ADAMTSL3: variants seen among roughly 807,000 people sequenced by gnomAD.
ADAMTSL3 encodes ADAMTS like 3, also known as ADAMTS-like protein 3.
In ADAMTSL3, 128 loss-of-function variants were observed where a neutral mutation model predicts 201.7. The ratio of observed to expected loss-of-function variants is 0.63; its 90% CI spans 0.55 to 0.73. The LOEUF is 0.73. Among genes scored for constraint, ADAMTSL3 ranks in the 30% least tolerant of loss-of-function variants. The pLI, the probability that ADAMTSL3 is intolerant of heterozygous loss-of-function variation, is 0.00. For synonymous variants in ADAMTSL3, 738 were observed against 748.4 expected, an observed-to-expected ratio of 0.99 and a Z score of 0.23; for missense variants, 1,990 against 2,119.6, an observed-to-expected ratio of 0.94 and a Z score of 1.20.
chr15:83,831,777 C>G (rs28456283), intron 6 of ADAMTSL3, among the ~76,000 whole-genome samples: 2 of 152,120 alleles, frequency 1.3e-5, no homozygotes, highest in African/African-American at 4.8e-5. Flanking sequence ...CCCCACAACT[C>G]TAAGCATTTG....
chr15:83,784,021 A>G (rs188977093), intron 4 of ADAMTSL3, among the ~76,000 whole-genome samples: 17 of 152,272 alleles, frequency 1.1e-4, no homozygotes, highest in African/African-American at 3.6e-4. Flanking sequence ...TTATGTTATT[A>G]TGGGGACTGA....
intron 3 of ADAMTSL3, among the ~76,000 whole-genome samples, chr15:83,707,201 T>C (rs2061865059): frequency 6.6e-6 from 1 of 152,220 alleles, no homozygotes; most frequent in African/African-American, 2.4e-5. Context: ...TTTACTTCCC[T>C]GTCCCTTAAT....
intron 8 of ADAMTSL3, among the ~76,000 whole-genome samples, chr15:83,863,991 G>A (rs1256228481): frequency 1.3e-5 from 2 of 152,152 alleles, no homozygotes; most frequent in Non-Finnish European, 2.9e-5. Flanking sequence ...ACACCTCTAA[G>A]CAAATAAACT....
At chr15:83,813,148 A>G (rs556987480) in intron 5 of ADAMTSL3, among the ~76,000 whole-genome samples, 2 of 152,384 alleles carry the variant, frequency 1.3e-5, no homozygotes, top group Admixed American at 6.5e-5. Flanking sequence ...TCCAGATACC[A>G]TTGTAGAAAA....
At chr15:83,684,587 AC>A (rs1358383583) in intron 2 of ADAMTSL3, among the ~76,000 whole-genome samples, 5 of 152,118 alleles carry the variant, frequency 3.3e-5, no homozygotes, top group African/African-American at 1.2e-4. Context: ...GGGAAAAAAA[AC>A]AACCAAAAAA....
intron 10 of ADAMTSL3, among the ~76,000 whole-genome samples, chr15:83,886,102 GC>G (rs2065385292): frequency 6.6e-6 from 1 of 152,184 alleles, no homozygotes; most frequent in Admixed American, 6.5e-5. Flanking sequence ...CGCTACAAAA[GC>G]AGCATCTTTC....
chr15:83,801,651 A>AAT (rs68098545), intron 4 of ADAMTSL3, among the ~76,000 whole-genome samples: 988 of 30,974 alleles, frequency 0.032, 48 homozygotes, highest in South Asian at 0.042. Context: ...TATAAATATA[A>AAT]ATATATATAT....
intron 3 of ADAMTSL3, among the ~76,000 whole-genome samples, chr15:83,706,893 T>C (rs2061860294): frequency 6.6e-6 from 1 of 152,016 alleles, no homozygotes; most frequent in South Asian, 2.1e-4. Context: ...GGCCTCAAAC[T>C]CCTGGGCTCA....
intron 5 of ADAMTSL3, among the ~76,000 whole-genome samples, chr15:83,809,475 TA>T (rs2063657656): frequency 6.6e-6 from 1 of 152,110 alleles, no homozygotes; most frequent in Admixed American, 6.5e-5. Context: ...TAGCACAACC[TA>T]AAAAACTCCC....
intron 19 of ADAMTSL3, among the ~76,000 whole-genome samples, chr15:83,966,106 C>T (rs960893012): frequency 6.6e-6 from 1 of 152,118 alleles, no homozygotes; most frequent in Non-Finnish European, 1.5e-5. Flanking sequence ...GACACCCTAA[C>T]ATCACAATTA....
chr15:83,854,601 A>G (rs1206120467), intron 7 of ADAMTSL3, among the ~76,000 whole-genome samples: 1 of 152,180 alleles, frequency 6.6e-6, no homozygotes, highest in Non-Finnish European at 1.5e-5. Context: ...CAACGTGTAA[A>G]TATTCTGGCT....
Position 83,935,314 on chromosome 15 carries a change from G to A in ADAMTSL3, c.2118-7282G>A, listed in dbSNP as rs1256799872. On this transcript the variant is annotated intron_variant, in intron 17 of 29. Transcript: ENST00000286744. ...TTAGGAAATGTTCTTGTAGATAAGC[G>A]TCTGTCATTCTGATGGATCATGACT... Among the ~76,000 whole-genome samples the A allele has an allele frequency of 3.3e-5, 5 of 152,182 alleles. No individual in the cohort carries two copies. The South Asian group carries it at 6.2e-4, about 19-fold the overall frequency.
chr15:84,024,350 G>A (rs977630317), intron 26 of ADAMTSL3, among the ~76,000 whole-genome samples: 17 of 152,084 alleles, frequency 1.1e-4, no homozygotes, highest in Non-Finnish European at 2.5e-4. Context: ...ATTTTAATAT[G>A]GTGATGAATA....
intron 8 of ADAMTSL3, chr15:83,861,774 T>A (rs527605975): frequency 6.6e-6 from 1 of 152,340 alleles, no homozygotes; most frequent in East Asian, 1.9e-4. Context: ...GGATGGAGAA[T>A]GACTTTGACG....
intron 9 of ADAMTSL3, among the ~76,000 whole-genome samples, chr15:83,874,599 C>T (rs1253469097): frequency 7.0e-6 from 1 of 143,784 alleles, no homozygotes; most frequent in Non-Finnish European, 1.5e-5. Flanking sequence ...TTAGTAGCTC[C>T]TCCTTTCACT....
Position 83,974,010 on chromosome 15 carries a change from C to G in ADAMTSL3, c.2644+3373C>G, listed in dbSNP as rs147279181. 7.6e-3 allele frequency among the ~76,000 whole-genome samples: 1,152 copies of G among 152,242 alleles called. 8 individuals carry two copies. The highest frequency in any genetic ancestry group is 0.012 in the Non-Finnish European group (841 of 68,018). ...GGTGGGAAAGATGTCTTCTGCTCCC[C>G]CTAGAGGCCAACAGCATACCCTATA... On this transcript the variant is annotated intron_variant, in intron 20 of 29. Transcript: ENST00000286744.
Position 83,988,588 on chromosome 15 carries a change from C to T in ADAMTSL3, c.3717-103C>T, listed in dbSNP as rs1278402376. The stretch of plus-strand genomic sequence containing the variant: ...AATTATCCTTTGTGAGCTTTGCCAG[C>T]CCAAAGCCTGTAATGGTGCAGTCTT... On this transcript the variant is annotated intron_variant, in intron 21 of 29. Transcript: ENST00000286744. 6 of 1,062,952 alleles carry T rather than the reference C, an allele frequency of 5.6e-6. No homozygotes were observed. The Admixed American group carries it at 1.6e-4, about 29-fold the overall frequency. 65.8% of individuals were successfully genotyped at this position (1,062,952 alleles called of 1,614,324 possible).
At chr15:83,823,919 CTTCT>C (rs1567169474) in intron 6 of ADAMTSL3, among the ~76,000 whole-genome samples, 1 of 104,436 alleles carries the variant, frequency 9.6e-6, no homozygotes, top group African/African-American at 3.3e-5. Context: ...TCTTCTTCTT[CTTCT>C]TCTTCTTCTT....
intron 19 of ADAMTSL3, among the ~76,000 whole-genome samples, chr15:83,957,647 G>A (rs2066886528): frequency 6.6e-6 from 1 of 152,126 alleles, no homozygotes; most frequent in African/African-American, 2.4e-5. Flanking sequence ...TAATGAATGA[G>A]ACGACATTAA....
Sources: gnomAD v4.1 joint callset for allele counts (sites outside exome capture counted in the v4.1 genomes callset) on GRCh38, gnomAD v4.1.1 for gene constraint, MANE v1.5 for transcripts, NCBI Gene and HGNC (gene_info 2026-07-23, HGNC 2026-07-21) for gene names.